HLA-DRB1: variants seen among roughly 807,000 people sequenced by gnomAD.
HLA-DRB1 encodes major histocompatibility complex, class II, DR beta 1 precursor.
HLA-DRB1 carries 10 observed loss-of-function variants against 27.9 expected under a neutral mutation model. The observed-to-expected ratio is 0.36, with a 90% CI of 0.22 to 0.61. The LOEUF (loss-of-function observed/expected upper bound fraction) is 0.61, where lower values mean the gene tolerates loss of function less well. Ranked by LOEUF, HLA-DRB1 falls within the 20% of genes least tolerant of loss-of-function variation. HLA-DRB1 has a pLI of 0.73. For synonymous variants in HLA-DRB1, 57 were observed against 126.7 expected (o/e 0.45, Z 3.69); for missense variants, 118 against 306.3 (o/e 0.39, Z 4.59).
intron 1 of HLA-DRB1, among the ~76,000 whole-genome samples, chr6:32,586,372 C>CAGCAA (rs1263164541): frequency 0.074 from 5,605 of 75,770 alleles, no homozygotes; most frequent in East Asian, 0.1. Context: ...ATATCGACTC[C>CAGCAA]ACCAAACCCA....
intron 1 of HLA-DRB1, among the ~76,000 whole-genome samples, chr6:32,585,982 TTTTA>T (rs201358012): frequency 0.18 from 15,525 of 86,534 alleles, 2,343 homozygotes; most frequent in Admixed American, 0.19. Context: ...ACTGGATTCA[TTTTA>T]TTTATCACTC....
At chr6:32,588,147 A>T (rs9270185) in intron 1 of HLA-DRB1, among the ~76,000 whole-genome samples, 3,114 of 107,170 alleles carry the variant, frequency 0.029, 8 homozygotes, top group Middle Eastern at 0.051. Flanking sequence ...GAAAAAGGAA[A>T]TTTTTTTATT....
exon 6 of HLA-DRB1, chr6:32,579,056 C>A (rs1064695): frequency 0.042 from 23,861 of 568,496 alleles, 2,163 homozygotes; most frequent in African/African-American, 0.16. Context: ...AAAGCCGGGG[C>A]AGAAAGTTCT....
At chr6:32,582,415 C>A (rs1473869769) in intron 2 of HLA-DRB1, among the ~76,000 whole-genome samples, 10 of 118,032 alleles carry the variant, frequency 8.5e-5, no homozygotes, top group Non-Finnish European at 1.4e-4. Context: ...TATTTATCAT[C>A]CTTGTACACC....
At chr6:32,580,629 T>C (rs1220299493) in intron 4 of HLA-DRB1, 117 bp downstream of exon 4, 427 of 965,660 alleles carry the variant, frequency 4.4e-4, no homozygotes, top group Admixed American at 1.2e-3. Context: ...TAGAGCCGTT[T>C]GGGGAAAGAA....
At chr6:32,588,717 A>G (rs9270213) in intron 1 of HLA-DRB1, among the ~76,000 whole-genome samples, 1,708 of 35,490 alleles carry the variant, frequency 0.048, 196 homozygotes, top group Middle Eastern at 0.17. Flanking sequence ...TGTTCACATC[A>G]TCTCGGTAAC....
chr6:32,584,530 A>G (rs9269973), intron 1 of HLA-DRB1, among the ~76,000 whole-genome samples, 152 bp from the exon 2 acceptor site: 28,352 of 125,440 alleles, frequency 0.23, 3,391 homozygotes, highest in Admixed American at 0.27. Context: ...CCAGGAGCTC[A>G]TCCTCCGTCT....
intron 1 of HLA-DRB1, among the ~76,000 whole-genome samples, chr6:32,586,177 TCCTCCTC>T (rs1776360382): frequency 1.8e-5 from 2 of 112,998 alleles, no homozygotes; most frequent in African/African-American, 6.5e-5. Context: ...GGTTCACAGG[TCCTCCTC>T]CTTCTCTTCA....
chr6:32,583,490 CA>C (rs879876297), intron 2 of HLA-DRB1, among the ~76,000 whole-genome samples: 130 of 38,434 alleles, frequency 3.4e-3, no homozygotes, highest in Admixed American at 5.1e-3. Context: ...CTGAAAAAAA[CA>C]AAAAACTAGG....
In HLA-DRB1 at chr6:32,583,916, T is replaced by A. The variant is rs185779937; in HGVS notation, c.370+193A>T. 2.3e-3 allele frequency among the ~76,000 whole-genome samples: 158 copies of A among 67,546 alleles called. 3 individuals carry two copies. The highest frequency in any genetic ancestry group is 4.7e-3 in the Admixed American group (25 of 5,316). The allele number at this position is 67,546 out of a possible 152,430, so 44.3% of individuals were successfully genotyped here. A position where few individuals can be genotyped will look rare whatever the true frequency, so the allele number is the denominator to read the frequency against. On this transcript the variant is annotated intron_variant, in intron 2 of 5. Coordinates refer to ENST00000360004, the Ensembl canonical transcript of HLA-DRB1. ...CAAATCCACACTTTACACACACACC[T>A]GTGCTCTCAGAACTGCTTGCTCCGG...
At position 32,584,520 on chromosome 6, in the gene HLA-DRB1, C is replaced by A. The variant is rs547038817; in HGVS notation, c.101-142G>T. The A allele has an allele frequency of 6.0e-3, 3,663 of 607,402 alleles. 215 individuals are homozygous for A. In the East Asian group the frequency reaches 0.079, roughly 13 times the overall value. 37.6% of individuals were successfully genotyped at this position (607,402 alleles called of 1,614,324 possible). A position where few individuals can be genotyped will look rare whatever the true frequency, so the allele number is the denominator to read the frequency against. On this transcript the variant is annotated intron_variant, in intron 1 of 5. Coordinates refer to ENST00000360004, the Ensembl canonical transcript of HLA-DRB1. ...ACCCGCAACGCCCACCACCTGCAGC[C>A]CAGGAGCTCATCCTCCGTCTTCCTG...
At chr6:32,582,122 T>C (rs1315777510) in intron 2 of HLA-DRB1, among the ~76,000 whole-genome samples, 2 of 119,928 alleles carry the variant, frequency 1.7e-5, no homozygotes, top group Non-Finnish European at 3.5e-5. Context: ...CAGAGTGTAG[T>C]AATTAAAACT....
At chr6:32,581,894 G>T in intron 2 of HLA-DRB1, 56 bp from the exon 3 acceptor site, 22 of 876,262 alleles carry the variant, frequency 2.5e-5, no homozygotes, top group South Asian at 3.1e-5. Context: ...AAGTCTCCTG[G>T]TTTGGCTGTG....
intron 1 of HLA-DRB1, 83 bp from the exon 2 acceptor site, chr6:32,584,461 GC>G: frequency 1.6e-6 from 1 of 625,424 alleles, no homozygotes; most frequent in Non-Finnish European, 2.4e-6. Context: ...GGCTCCCTGA[GC>G]GGGGTGCGGG....
chr6:32,584,553 C>A lies in HLA-DRB1; in HGVS notation c.101-175G>T, dbSNP rs9269975. ...TCATCCTCCGTCTTCCTGAGGCGAA[C>A]GGGGGCCTGGGGGACCATGCGGGAA... On this transcript the variant is annotated intron_variant, in intron 1 of 5. Coordinates refer to ENST00000360004, the Ensembl canonical transcript of HLA-DRB1. 0.1 allele frequency among the ~76,000 whole-genome samples: 11,364 copies of A among 108,704 alleles called. 325 individuals carry two copies. Among genetic ancestry groups the A allele is most frequent in the Middle Eastern group, 0.17 (34 of 202 alleles). 71.3% of individuals were successfully genotyped at this position (108,704 alleles called of 152,430 possible). A position where few individuals can be genotyped will look rare whatever the true frequency, so the allele number is the denominator to read the frequency against.
intron 5 of HLA-DRB1, 142 bp downstream of exon 5, chr6:32,580,102 CAAA>C: frequency 0.011 from 552 of 52,170 alleles, no homozygotes; most frequent in Non-Finnish European, 0.013. Context: ...GACTCCGTCT[CAAA>C]AAAAAAAAAA....
chr6:32,584,491 C>A, intron 1 of HLA-DRB1, 113 bp from the exon 2 acceptor site: 1 of 660,570 alleles, frequency 1.5e-6, no homozygotes, highest in South Asian at 2.0e-5. Context: ...CCTTAACCGG[C>A]CCCACCCGCA....
At chr6:32,582,710 C>A (rs34257546) in intron 2 of HLA-DRB1, among the ~76,000 whole-genome samples, 1 of 75,490 alleles carries the variant, frequency 1.3e-5, no homozygotes, top group African/African-American at 5.3e-5. Context: ...ATGCATCTCC[C>A]GTGCAACACA....
chr6:32,586,336 C>CA, intron 1 of HLA-DRB1, among the ~76,000 whole-genome samples: 1 of 94,476 alleles, frequency 1.1e-5, no homozygotes, highest in Non-Finnish European at 2.1e-5. Flanking sequence ...ATCCAGTTTC[C>CA]TACCTGGATG....
Sources: gnomAD v4.1 joint callset for allele counts (sites outside exome capture counted in the v4.1 genomes callset) on GRCh38, gnomAD v4.1.1 for gene constraint, MANE v1.5 for transcripts, NCBI Gene and HGNC (gene_info 2026-07-23, HGNC 2026-07-21) for gene names.